Variants in PCCA observed in about 807,000 individuals in gnomAD.
The protein encoded by PCCA is propionyl-CoA carboxylase alpha chain, mitochondrial.
In PCCA, 74 loss-of-function variants were observed where a neutral mutation model predicts 101.3. The ratio of observed to expected loss-of-function variants is 0.73; its 90% CI spans 0.61 to 0.89. The LOEUF (loss-of-function observed/expected upper bound fraction) is 0.89, where lower values mean the gene tolerates loss of function less well. Ranked by LOEUF, PCCA falls within the 40% of genes least tolerant of loss-of-function variation. The pLI, the probability that PCCA is intolerant of heterozygous loss-of-function variation, is 0.00. For synonymous variants in PCCA, 294 were observed against 313.6 expected (o/e 0.94, Z 0.66); for missense variants, 891 against 907.0 (o/e 0.98, Z 0.23).
intron 12 of PCCA, among the ~76,000 whole-genome samples, chr13:100,286,079 T>C (rs1263049975): frequency 1.3e-5 from 2 of 151,918 alleles, no homozygotes; most frequent in Non-Finnish European, 2.9e-5. Flanking sequence ...CCCCTCTGCA[T>C]GTGTGTGGGG....
At chr13:100,136,779 G>A (rs145045498) in intron 4 of PCCA, among the ~76,000 whole-genome samples, 252 of 151,240 alleles carry the variant, frequency 1.7e-3, no homozygotes, top group African/African-American at 5.7e-3. Flanking sequence ...TTTGGATGTC[G>A]TTTTTTTCTT....
Position 100,451,715 on chromosome 13 carries a change from C to CCTCTCTCTCTCTCT in PCCA, c.1899+2421_1899+2434dup, listed in dbSNP as rs71114697. Among the ~76,000 whole-genome samples the CCTCTCTCTCTCTCT allele has an allele frequency of 2.5e-3, 245 of 96,084 alleles. 4 individuals are homozygous for CCTCTCTCTCTCTCT. The highest frequency in any genetic ancestry group is 9.6e-3 in the African/African-American group (212 of 22,050). The allele number at this position is 96,084 out of a possible 152,430, so 63.0% of individuals were successfully genotyped here. ...CTCCTCTTCCCCTCCTCTCCTCTCT[C>CCTCTCTCTCTCTCT]CTCTCTCTCTCTCTCTCTCTCTCTT... On this transcript the variant is annotated intron_variant, in intron 21 of 23. Transcript: ENST00000376285.
chr13:100,133,308 A>G (rs1303913497), intron 4 of PCCA, among the ~76,000 whole-genome samples: 1 of 152,066 alleles, frequency 6.6e-6, no homozygotes, highest in Non-Finnish European at 1.5e-5. Context: ...CCTTTGTTGG[A>G]TGTATGATTG....
intron 21 of PCCA, among the ~76,000 whole-genome samples, chr13:100,511,376 T>C (rs1354739559): frequency 2.0e-5 from 3 of 152,232 alleles, no homozygotes; most frequent in Admixed American, 1.3e-4. Context: ...CAGAGCTTAA[T>C]GTTGGAGACC....
intron 13 of PCCA, among the ~76,000 whole-genome samples, chr13:100,302,617 G>A (rs2066150848): frequency 1.3e-5 from 2 of 152,002 alleles, no homozygotes; most frequent in Admixed American, 6.6e-5. Context: ...ATGTTTTGAT[G>A]TAGGGCCTAG....
At chr13:100,252,398 T>G (rs911061854) in intron 8 of PCCA, among the ~76,000 whole-genome samples, 2 of 152,222 alleles carry the variant, frequency 1.3e-5, no homozygotes, top group African/African-American at 2.4e-5. Context: ...GAATAAGACA[T>G]TTTCTAAGAA....
chr13:100,190,409 G>C (rs926018734), intron 6 of PCCA, among the ~76,000 whole-genome samples: 1 of 152,202 alleles, frequency 6.6e-6, no homozygotes, highest in Non-Finnish European at 1.5e-5. Flanking sequence ...GTGGCTGGGC[G>C]TGGTGGCTCA....
intron 7 of PCCA, among the ~76,000 whole-genome samples, chr13:100,215,264 C>T (rs1176972294): frequency 6.6e-6 from 1 of 152,200 alleles, no homozygotes; most frequent in African/African-American, 2.4e-5. Context: ...ATTCATTCAT[C>T]TATTCAGTAG....
chr13:100,291,227 A>G (rs1276121631), intron 12 of PCCA, among the ~76,000 whole-genome samples: 6 of 152,184 alleles, frequency 3.9e-5, no homozygotes, highest in East Asian at 1.9e-4. Flanking sequence ...GTGATGAACC[A>G]TGATCATGCC....
chr13:100,412,008 A>G (rs766097475), intron 19 of PCCA, among the ~76,000 whole-genome samples: 1 of 152,224 alleles, frequency 6.6e-6, no homozygotes, highest in Admixed American at 6.5e-5. Context: ...CATGAAAACT[A>G]AATGTATGAA....
chr13:100,225,532 G>A (rs1194637350), intron 7 of PCCA, among the ~76,000 whole-genome samples: 2 of 152,012 alleles, frequency 1.3e-5, no homozygotes, highest in Non-Finnish European at 2.9e-5. Context: ...AGCAGAAGGA[G>A]GCAAATAACT....
Position 100,273,284 on chromosome 13 carries a change from G to T in PCCA, c.1003G>T (p.Val335Leu). Residue 335 changes from valine (V) to leucine (L), a missense_variant, in exon 12 of 24, where the codon GTG (valine) becomes TTG (leucine). Val to Leu is a conservative substitution (Grantham distance 32). Coordinates refer to ENST00000376285, the MANE Select transcript of PCCA (RefSeq NM_000282.4). ...AGTAAAATATTCCTCTGCTGGGACC[G>T]TGGAGTTCCTTGTGGACTCTAAGAA... ...RAVKYSSAGTVEFLVDSKKNF... is the reference protein window; with the variant it reads ...RAVKYSSAGTLEFLVDSKKNF... The T allele has an allele frequency of 1.2e-6, 2 of 1,611,396 alleles. No homozygotes were observed. The highest frequency in any genetic ancestry group is 1.7e-6 in the Non-Finnish European group (2 of 1,177,536).
At chr13:100,315,804 G>A (rs778792678) in intron 16 of PCCA, among the ~76,000 whole-genome samples, 6 of 152,084 alleles carry the variant, frequency 3.9e-5, no homozygotes, top group Non-Finnish European at 8.8e-5. Context: ...TTGACTCCCA[G>A]TCCACACCTC....
At chr13:100,345,779 G>C (rs990124285) in intron 18 of PCCA, among the ~76,000 whole-genome samples, 1 of 152,136 alleles carries the variant, frequency 6.6e-6, no homozygotes, top group African/African-American at 2.4e-5. Context: ...TGACTCTCTT[G>C]GTAGGGGCTA....
intron 6 of PCCA, among the ~76,000 whole-genome samples, chr13:100,192,241 A>G (rs2057787450): frequency 6.6e-6 from 1 of 152,172 alleles, no homozygotes; most frequent in Admixed American, 6.5e-5. Context: ...TTCCCAGAGT[A>G]CTTTCTAATT....
At chr13:100,235,164 A>G (rs980993987) in intron 7 of PCCA, among the ~76,000 whole-genome samples, 3 of 150,402 alleles carry the variant, frequency 2.0e-5, no homozygotes, top group African/African-American at 7.4e-5. Flanking sequence ...TTAGGAAGGT[A>G]TTTTCTTTCT....
chr13:100,383,735 T>C (rs1177747910), intron 19 of PCCA, among the ~76,000 whole-genome samples: 2 of 152,208 alleles, frequency 1.3e-5, no homozygotes, highest in Non-Finnish European at 1.5e-5. Context: ...TCTTAGATGC[T>C]TGAGGTGGAA....
chr13:100,198,180 T>G (rs936408539), intron 6 of PCCA: 5 of 152,252 alleles, frequency 3.3e-5, no homozygotes, highest in African/African-American at 4.8e-5. Flanking sequence ...ACTGATTTGG[T>G]GGTACCCAGA....
intron 19 of PCCA, among the ~76,000 whole-genome samples, chr13:100,425,150 G>A (rs557525671): frequency 6.6e-6 from 1 of 152,158 alleles, no homozygotes; most frequent in South Asian, 2.1e-4. Flanking sequence ...ATGGACTTTT[G>A]ATATTCAACA....
Sources: allele counts gnomAD v4.1 joint callset (sites outside exome capture counted in the v4.1 genomes callset), GRCh38; gene constraint gnomAD v4.1.1; transcripts MANE v1.5; gene names NCBI Gene and HGNC (gene_info 2026-07-23, HGNC 2026-07-21).